Variants in CDH12 observed in about 807,000 individuals in gnomAD.
CDH12 encodes cadherin 12.
A neutral mutation model predicts 74.1 loss-of-function variants in CDH12; 41 were observed. The ratio of observed to expected loss-of-function variants is 0.55; its 90% CI spans 0.43 to 0.72. The LOEUF is 0.72. Among genes scored for constraint, CDH12 ranks in the 30% least tolerant of loss-of-function variants. The pLI, the probability that CDH12 is intolerant of heterozygous loss-of-function variation, is 0.00. For missense variants in CDH12, 945 were observed against 977.2 expected, an observed-to-expected ratio of 0.97 and a Z score of 0.44; for synonymous variants, 399 against 355.0, an observed-to-expected ratio of 1.12 and a Z score of -1.39.
Position 21,805,269 on chromosome 5 carries a change from T to G in CDH12, c.1003-2849A>C, listed in dbSNP as rs559747029. Among the ~76,000 whole-genome samples the G allele has an allele frequency of 5.3e-5, 8 of 152,282 alleles. No homozygotes were observed. In the South Asian group the frequency reaches 1.7e-3, roughly 32 times the overall value. ...ATTCTTTCTAGATAAGATCTTAATT[T>G]TTTTTCCCTACTTGATTACACACTA... On this transcript the variant is annotated intron_variant, in intron 9 of 14. Coordinates refer to ENST00000382254, the MANE Select transcript of CDH12 (RefSeq NM_004061.5).
intron 1 of CDH12, among the ~76,000 whole-genome samples, chr5:22,832,633 C>A (rs897293152): frequency 6.6e-6 from 1 of 152,038 alleles, no homozygotes; most frequent in African/African-American, 2.4e-5. Context: ...AAGTTTAAAT[C>A]TAATTATAAC....
At chr5:22,213,380 G>A (rs534194957) in intron 3 of CDH12, among the ~76,000 whole-genome samples, 1 of 151,828 alleles carries the variant, frequency 6.6e-6, no homozygotes, top group African/African-American at 2.4e-5. Flanking sequence ...TGCAAAAAAT[G>A]TTTGCATTGT....
At chr5:22,461,103 G>A (rs1003109690) in intron 2 of CDH12, among the ~76,000 whole-genome samples, 2 of 130,460 alleles carry the variant, frequency 1.5e-5, no homozygotes, top group East Asian at 2.2e-4. Context: ...GCACGATCTC[G>A]GCTCACTGCA....
At chr5:21,790,187 A>G (rs1209295961) in intron 10 of CDH12, among the ~76,000 whole-genome samples, 1 of 152,140 alleles carries the variant, frequency 6.6e-6, no homozygotes, top group Non-Finnish European at 1.5e-5. Context: ...ATAATTTAAC[A>G]AATTGATTCA....
rs573280403 is a variant in CDH12 at position 22,028,968 on chromosome 5, G to A, written c.231+49478C>T. Among the ~76,000 whole-genome samples, 116 of 152,094 alleles carry A rather than the reference G, an allele frequency of 7.6e-4. 3 individuals are homozygous for A. The South Asian group carries it at 0.022, about 30-fold the overall frequency. On this transcript the variant is annotated intron_variant, in intron 5 of 14. Coordinates refer to ENST00000382254, the MANE Select transcript of CDH12 (RefSeq NM_004061.5). ...TCAGAAATAACGCCACATATCTACA[G>A]CGATCTGATCTTTGACAAACCTGAG...
At chr5:21,869,892 C>G (rs1751525106) in intron 6 of CDH12, among the ~76,000 whole-genome samples, 1 of 152,136 alleles carries the variant, frequency 6.6e-6, no homozygotes, top group South Asian at 2.1e-4. Context: ...TGGTTTGGCT[C>G]TGTGTCCCCA....
intron 3 of CDH12, among the ~76,000 whole-genome samples, chr5:22,352,103 T>C (rs2150465238): frequency 6.6e-6 from 1 of 152,058 alleles, no homozygotes; most frequent in African/African-American, 2.4e-5. Context: ...CTATTAAGTG[T>C]TTGGAATCAT....
chr5:22,010,040 C>T (rs544035975), intron 5 of CDH12, among the ~76,000 whole-genome samples: 1 of 151,226 alleles, frequency 6.6e-6, no homozygotes, highest in African/African-American at 2.4e-5. Flanking sequence ...AATGGGTCAG[C>T]ACTGTCTTTT....
chr5:21,875,659 T>C lies in CDH12; in HGVS notation c.527-20869A>G, dbSNP rs558101087. Reference sequence around the variant, plus strand: ...CTCCCAAGTTGCTTTCCACAGTGCATTGTACTTCCGGAAGTACTGGACACA... The same window carrying C: ...CTCCCAAGTTGCTTTCCACAGTGCACTGTACTTCCGGAAGTACTGGACACA... On this transcript the variant is annotated intron_variant, in intron 6 of 14. Coordinates refer to ENST00000382254, the MANE Select transcript of CDH12 (RefSeq NM_004061.5). 2.6e-3 allele frequency among the ~76,000 whole-genome samples: 398 copies of C among 152,370 alleles called. 2 individuals are homozygous for C. Among genetic ancestry groups the C allele is most frequent in the African/African-American group, 9.4e-3 (390 of 41,568 alleles).
chr5:22,696,099 T>C (rs372994070), intron 1 of CDH12, among the ~76,000 whole-genome samples: 6 of 152,272 alleles, frequency 3.9e-5, no homozygotes, highest in African/African-American at 1.2e-4. Flanking sequence ...CTGGGCGCGG[T>C]GGCTCATGCC....
chr5:21,788,360 A>G (rs1012445067), intron 10 of CDH12, among the ~76,000 whole-genome samples: 14 of 152,298 alleles, frequency 9.2e-5, no homozygotes, highest in African/African-American at 3.4e-4. Flanking sequence ...GAAAACTGCA[A>G]CAGCAGTAGC....
intron 13 of CDH12, among the ~76,000 whole-genome samples, chr5:21,760,158 C>T (rs972290147): frequency 1.3e-5 from 2 of 151,870 alleles, no homozygotes; most frequent in Non-Finnish European, 2.9e-5. Context: ...TTTGTGTGCA[C>T]GTGTCTTTAT....
intron 5 of CDH12, among the ~76,000 whole-genome samples, chr5:22,062,893 T>C (rs1741289042): frequency 2.0e-5 from 3 of 152,176 alleles, no homozygotes; most frequent in African/African-American, 7.2e-5. Context: ...ATCACTCTGA[T>C]ATTGAAAGCT....
chr5:22,221,918 G>C (rs989114584), intron 3 of CDH12, among the ~76,000 whole-genome samples: 3 of 151,750 alleles, frequency 2.0e-5, no homozygotes, highest in African/African-American at 7.3e-5. Context: ...ATGAAAGCTG[G>C]TCTTTTTACT....
intron 1 of CDH12, among the ~76,000 whole-genome samples, chr5:22,827,117 C>T (rs1200678185): frequency 6.6e-6 from 1 of 152,176 alleles, no homozygotes; most frequent in Admixed American, 6.5e-5. Context: ...TGTGTGCAGC[C>T]TAGGGACTTG....
intron 4 of CDH12, among the ~76,000 whole-genome samples, chr5:22,147,245 C>T (rs1472369177): frequency 2.6e-5 from 4 of 152,106 alleles, no homozygotes; most frequent in Admixed American, 2.6e-4. Flanking sequence ...TGGCCATTTT[C>T]GTTTTTATCT....
intron 1 of CDH12, among the ~76,000 whole-genome samples, chr5:22,821,512 T>A (rs561304926): frequency 1.3e-5 from 2 of 152,258 alleles, no homozygotes; most frequent in Non-Finnish European, 1.5e-5. Flanking sequence ...AAATCTCCTT[T>A]AGCTGATAAG....
At chr5:21,898,181 T>C (rs1753211637) in intron 6 of CDH12, among the ~76,000 whole-genome samples, 1 of 152,094 alleles carries the variant, frequency 6.6e-6, no homozygotes, top group Admixed American at 6.5e-5. Context: ...TGTAGGGCCT[T>C]TTAGTATACA....
chr5:22,231,196 A>T (rs1055411094), intron 3 of CDH12, among the ~76,000 whole-genome samples: 2 of 152,186 alleles, frequency 1.3e-5, no homozygotes, highest in Admixed American at 6.6e-5. Flanking sequence ...GTTATCTAAA[A>T]TTTAACAATA....
Sources: allele counts gnomAD v4.1 joint callset (sites outside exome capture counted in the v4.1 genomes callset), GRCh38; gene constraint gnomAD v4.1.1; transcripts MANE v1.5; gene names NCBI Gene and HGNC (gene_info 2026-07-23, HGNC 2026-07-21).